Variants in ADAM32 observed in about 807,000 individuals in gnomAD.
ADAM32 encodes disintegrin and metalloproteinase domain-containing protein 32.
Under a neutral mutation model 114.9 loss-of-function variants are expected in ADAM32, and 89 were observed. The observed-to-expected ratio is 0.77, with a 90% CI of 0.65 to 0.92. The LOEUF is 0.92. ADAM32 is among the 40% of genes least tolerant of loss of function. The probability of loss-of-function intolerance (pLI) is 0.00; values close to 1 mark genes in which losing one functional copy is unlikely to be tolerated. For missense variants in ADAM32, 870 were observed against 932.8 expected, an observed-to-expected ratio of 0.93 and a Z score of 0.88; for synonymous variants, 285 against 307.5, an observed-to-expected ratio of 0.93 and a Z score of 0.77.
chr8:39,116,534 G>A (rs565717693), intron 1 of ADAM32, among the ~76,000 whole-genome samples: 15 of 152,092 alleles, frequency 9.9e-5, no homozygotes, highest in Non-Finnish European at 1.8e-4. Context: ...TTGGCTCTTG[G>A]CTTGGCTGTT....
intron 10 of ADAM32, among the ~76,000 whole-genome samples, chr8:39,185,970 T>C (rs1199794722): frequency 6.6e-6 from 1 of 152,114 alleles, no homozygotes; most frequent in African/African-American, 2.4e-5. Flanking sequence ...TTATTCCAAT[T>C]GTTCGCCTCC....
chr8:39,180,156 C>A (rs1258110864), intron 10 of ADAM32, among the ~76,000 whole-genome samples: 2 of 152,186 alleles, frequency 1.3e-5, no homozygotes, highest in Admixed American at 6.5e-5. Flanking sequence ...GCAGCGCTTG[C>A]GGGCCAGCTG....
At chr8:39,143,906 G>A (rs1803337164) in intron 3 of ADAM32, among the ~76,000 whole-genome samples, 2 of 152,134 alleles carry the variant, frequency 1.3e-5, no homozygotes, top group Non-Finnish European at 2.9e-5. Context: ...TACACTGTAG[G>A]CTATTCAAGC....
At chr8:39,151,231 T>G (rs1703623159) in intron 5 of ADAM32, 146 bp from the exon 6 acceptor site, 1 of 624,458 alleles carries the variant, frequency 1.6e-6, no homozygotes, top group South Asian at 3.0e-5. Flanking sequence ...GGAAATCTTT[T>G]GTCTCTTCAG....
intron 3 of ADAM32, 103 bp downstream of exon 3, chr8:39,136,821 T>A (rs1802834920): frequency 1.2e-6 from 1 of 809,756 alleles, no homozygotes; most frequent in African/African-American, 1.8e-5. Context: ...ATTATTAACT[T>A]TTTTAATTGT....
intron 23 of ADAM32, 53 bp downstream of exon 23, chr8:39,281,227 T>C: frequency 9.0e-7 from 1 of 1,116,608 alleles, no homozygotes; most frequent in Admixed American, 3.7e-5. Flanking sequence ...AAATTCAGAA[T>C]GAAAAAGTTG....
Position 39,151,429 on chromosome 8 carries a change from G to A in ADAM32, c.406G>A (p.Ala136Thr). The A allele has an allele frequency of 6.2e-7, 1 of 1,603,634 alleles. No individual in the cohort carries two copies. The highest frequency in any genetic ancestry group is 8.5e-7 in the Non-Finnish European group (1 of 1,176,644). The change falls in exon 6 of 25, where the codon GCA becomes ACA. Residue 136 changes from alanine to threonine, a missense_variant. Transcript: ENST00000379907. ...VSYGIEPLES[A>T]VEFQHVLYKL... ...TTATGGAATTGAGCCTCTGGAATCT[G>A]CAGTTGAATTTCAGCATGTTCTTTA...
At chr8:39,279,983 T>C (rs1813327412) in intron 22 of ADAM32, among the ~76,000 whole-genome samples, 1 of 152,216 alleles carries the variant, frequency 6.6e-6, no homozygotes, top group South Asian at 2.1e-4. Flanking sequence ...GTAGTGGAAC[T>C]GAGCAGCTGA....
intron 3 of ADAM32, among the ~76,000 whole-genome samples, chr8:39,145,772 C>G (rs34723835): frequency 0.42 from 63,769 of 151,802 alleles, 13,537 homozygotes; most frequent in East Asian, 0.59. Context: ...CTCTCTGTCA[C>G]CCAGGTTGGA....
intron 2 of ADAM32, among the ~76,000 whole-genome samples, chr8:39,123,194 T>C (rs1801890279): frequency 6.6e-6 from 1 of 152,228 alleles, no homozygotes; most frequent in African/African-American, 2.4e-5. Context: ...TTCATGTCTT[T>C]GCCATTTATC....
intron 7 of ADAM32, among the ~76,000 whole-genome samples, chr8:39,161,522 G>T (rs1440419796): frequency 6.6e-6 from 1 of 152,050 alleles, no homozygotes; most frequent in Non-Finnish European, 1.5e-5. Context: ...AGAACGTTAG[G>T]GTGACAACTT....
chr8:39,268,258 G>C (rs1213199360), intron 19 of ADAM32, among the ~76,000 whole-genome samples: 1 of 151,994 alleles, frequency 6.6e-6, no homozygotes, highest in Non-Finnish European at 1.5e-5. Flanking sequence ...GTCAATATGT[G>C]GTCTCATTTT....
rs549550349 is a variant in ADAM32, at chr8:39,240,715, T to G, written c.1819-5368T>G. Among the ~76,000 whole-genome samples the G allele has an allele frequency of 5.9e-5, 9 of 152,282 alleles. No homozygotes were observed. The South Asian group carries it at 1.9e-3, about 32-fold the overall frequency. ...TCCCCTTTTTAAAACCATCAGATCT[T>G]GTGAGACTTATTCACTGTCATGAGA... On this transcript the variant is annotated intron_variant, in intron 16 of 24. Transcript: ENST00000379907.
At chr8:39,255,835 A>G (rs969604545) in intron 18 of ADAM32, among the ~76,000 whole-genome samples, 9 of 151,778 alleles carry the variant, frequency 5.9e-5, no homozygotes, top group Non-Finnish European at 1.3e-4. Flanking sequence ...CTGATGTTAT[A>G]TTCTAGAATT....
intron 10 of ADAM32, among the ~76,000 whole-genome samples, chr8:39,178,400 G>C (rs1374944642): frequency 1.3e-5 from 2 of 152,112 alleles, no homozygotes; most frequent in Non-Finnish European, 2.9e-5. Flanking sequence ...TGGCTATTCT[G>C]GTTAACTGCT....
rs766313462 is a variant in ADAM32 at position 39,255,237 on chromosome 8, G to C, written c.2005+721G>C. On this transcript the variant is annotated intron_variant, in intron 18 of 24. Coordinates refer to ENST00000379907, the MANE Select transcript of ADAM32 (RefSeq NM_145004.7). ...TTTATATAATGACTTCCTCTGGGTA[G>C]ATTTCCAATAGTGGGATTGCTGGAT... 8.8e-4 allele frequency among the ~76,000 whole-genome samples: 133 copies of C among 151,934 alleles called. 1 individual carries two copies. Among genetic ancestry groups the C allele is most frequent in the Non-Finnish European group, 8.4e-4 (57 of 67,776 alleles).
chr8:39,283,411 TAAA>T (rs375766985), intron 23 of ADAM32, among the ~76,000 whole-genome samples, 172 bp from the exon 24 acceptor site: 3 of 57,374 alleles, frequency 5.2e-5, no homozygotes, highest in East Asian at 4.8e-4. Flanking sequence ...ACTCCATCTC[TAAA>T]AAAAAAAAAA....
intron 10 of ADAM32, among the ~76,000 whole-genome samples, chr8:39,175,673 A>G (rs1398838091): frequency 6.6e-6 from 1 of 152,184 alleles, no homozygotes; most frequent in Non-Finnish European, 1.5e-5. Flanking sequence ...TTTTGGTATC[A>G]GGATGACGCT....
chr8:39,239,464 C>A (rs530902119), intron 16 of ADAM32, among the ~76,000 whole-genome samples: 2 of 152,230 alleles, frequency 1.3e-5, no homozygotes, highest in South Asian at 4.1e-4. Flanking sequence ...CAAAATAGAA[C>A]CTCTTTAAAG....
Sources: allele counts gnomAD v4.1 joint callset (sites outside exome capture counted in the v4.1 genomes callset), GRCh38; gene constraint gnomAD v4.1.1; transcripts MANE v1.5; gene names NCBI Gene and HGNC (gene_info 2026-07-23, HGNC 2026-07-21).